Variants in MUC3A observed in about 807,000 individuals in gnomAD.
The protein encoded by MUC3A is mucin-3A.
A neutral mutation model predicts 109.0 loss-of-function variants in MUC3A; 109 were observed. The ratio of observed to expected loss-of-function variants is 1.00; its 90% CI spans 0.86 to 1.17. The LOEUF is 1.17. Among genes scored for constraint, MUC3A ranks in the 50% most tolerant of loss-of-function variants. The pLI is 0.00. For missense variants in MUC3A, 3,537 were observed against 2,469.4 expected (o/e 1.43, Z -9.16); for synonymous variants, 1,398 against 981.4 (o/e 1.42, Z -7.93).
rs767693236 is a variant in MUC3A at position 100,966,403 on chromosome 7, C to T, written c.9629C>T (p.Thr3210Met). Residue 3210 changes from threonine (T) to methionine (M), a missense_variant, in exon 9 of 12, where the codon ACG becomes ATG. Coordinates refer to ENST00000379458, the MANE Select transcript of MUC3A (RefSeq NM_005960.2). ...GPTCRCYSTDTHWFSGPRCEV... is the reference protein window; with the variant it reads ...GPTCRCYSTDMHWFSGPRCEV... ...TCCCGCAGCTGCTACTCCACCGACA[C>T]GCACTGGTTCTCTGGCCCGCGCTGC... is the stretch of plus-strand genomic sequence containing the variant. The T allele has an allele frequency of 4.2e-5, 57 of 1,346,450 alleles. No homozygotes were observed. In the East Asian group the frequency reaches 1.4e-3, roughly 33 times the overall value. The allele number at this position is 1,346,450 out of a possible 1,614,324, so 83.4% of individuals were successfully genotyped here.
rs1584805289 is a variant in MUC3A, at chr7:100,959,213, T to C, written c.7434T>C (p.Ser2478=). 6.3e-7 allele frequency: 1 copy of C among 1,598,514 alleles called. No homozygotes were observed. The highest frequency in any genetic ancestry group is 2.2e-5 in the East Asian group (1 of 44,892). ...TAVTPTPVTP[S]SLSTDIPTTS... is the part of the protein sequence containing the mutation. ...TGACTCCCACACCTGTAACCCCATC[T>C]TCTCTGAGTACAGACATCCCGACCA... Residue 2478 remains serine (S), a synonymous_variant, in exon 2 of 12, where the codon TCT becomes TCC. Coordinates refer to ENST00000379458, the MANE Select transcript of MUC3A (RefSeq NM_005960.2).
In MUC3A at chr7:100,966,422, G is replaced by A. The variant is rs1297436189; in HGVS notation, c.9648G>A (p.Pro3216=). The part of the protein sequence containing the change: ...YSTDTHWFSG[P]RCEVAVHWRA... Reference sequence around the variant, plus strand: ...CCGACACGCACTGGTTCTCTGGCCCGCGCTGCGAGGTGGCCGTCCACTGGA... The same window carrying A: ...CCGACACGCACTGGTTCTCTGGCCCACGCTGCGAGGTGGCCGTCCACTGGA... The change falls in exon 9 of 12, where the codon CCG becomes CCA. Residue 3216 remains proline (P), a synonymous_variant. Transcript: ENST00000379458. 3.7e-6 allele frequency: 5 copies of A among 1,349,158 alleles called. No individual in the cohort carries two copies. Among genetic ancestry groups the A allele is most frequent in the Admixed American group, 6.0e-5 (2 of 33,158 alleles). The allele number at this position is 1,349,158 out of a possible 1,614,324, so 83.6% of individuals were successfully genotyped here. A position where few individuals can be genotyped will look rare whatever the true frequency, so the allele number is the denominator to read the frequency against.
In MUC3A at chr7:100,966,961, T is replaced by TA; in HGVS notation, c.9930+13dup. On this transcript the variant is annotated intron_variant, in intron 11 of 11. Transcript: ENST00000379458. ...GGACACCACTATGAAGGTGAGGGGC[T>TA]AAAGAGGGGGACCCCAAGGAACTCT... 4 of 1,598,552 alleles carry TA rather than the reference T, an allele frequency of 2.5e-6. No homozygotes were observed.
At position 100,954,800 on chromosome 7, in the gene MUC3A, T is replaced by TC; in HGVS notation, c.3027dup (p.Val1010ArgfsTer25). ...CTCTCACAACAGCCATGACTTCTCC[T>TC]CCCCCCGTCAGTTCTTCAATCACTC... On this transcript the variant is annotated frameshift_variant, in exon 2 of 12. Coordinates refer to ENST00000379458, the MANE Select transcript of MUC3A (RefSeq NM_005960.2). LOFTEE classifies it high-confidence loss of function. 1 of 404,024 alleles carries TC rather than the reference T, an allele frequency of 2.5e-6. No individual in the cohort carries two copies. Among genetic ancestry groups the TC allele is most frequent in the African/African-American group, 2.1e-5 (1 of 48,718 alleles). 25.0% of individuals were successfully genotyped at this position (404,024 alleles called of 1,614,324 possible).
At chr7:100,962,230 T>C (rs1792350075) in intron 3 of MUC3A, among the ~76,000 whole-genome samples, 1 of 974 alleles carries the variant, frequency 1.0e-3, no homozygotes, top group Non-Finnish European at 2.3e-3. Flanking sequence ...AGACTCCGTC[T>C]CAAAAAAAAA....
At chr7:100,961,003 T>C (rs1267240515) in intron 3 of MUC3A, 66 bp downstream of exon 3, 1 of 1,595,744 alleles carries the variant, frequency 6.3e-7, no homozygotes, top group East Asian at 2.2e-5. Context: ...TCCCCAGACT[T>C]ATCCCTCTGT....
At position 100,956,068 on chromosome 7, in the gene MUC3A, A is replaced by G; in HGVS notation, c.4289A>G (p.Glu1430Gly). The G allele has an allele frequency of 2.2e-6, 1 of 447,138 alleles. No individual in the cohort carries two copies. The highest frequency in any genetic ancestry group is 6.7e-5 in the South Asian group (1 of 14,900). The allele number at this position is 447,138 out of a possible 1,614,324, so 27.7% of individuals were successfully genotyped here. The change falls in exon 2 of 12, where the codon GAG (glutamate) becomes GGG (glycine). Residue 1430 changes from glutamate (E) to glycine (G), a missense_variant. By Grantham distance (98) the Glu-to-Gly change is moderately conservative. Coordinates refer to ENST00000379458, the MANE Select transcript of MUC3A (RefSeq NM_005960.2). ...TCTTCTACACCTGTCCCAAGCACAG[A>G]GGTGACCACCAGTCATACCACAAAC... is the stretch of plus-strand genomic sequence containing the variant. ...ILSSTPVPST[E>G]VTTSHTTNTN... is the part of the protein sequence containing the mutation.
In MUC3A at chr7:100,954,691, G is replaced by A; in HGVS notation, c.2912G>A (p.Arg971Lys). ...PPSSTVSTTG[R>K]GQTTFPSSTA... The stretch of plus-strand genomic sequence containing the variant: ...TCATCCACTGTATCAACTACAGGCA[G>A]AGGTCAGACCACCTTTCCCAGCTCT... Residue 971 changes from arginine (R) to lysine (K), a missense_variant, in exon 2 of 12, where the codon AGA (arginine) becomes AAA (lysine). Arg to Lys is a conservative substitution (Grantham distance 26, BLOSUM62 2). Transcript: ENST00000379458. 2.7e-6 allele frequency: 1 copy of A among 369,146 alleles called. No individual in the cohort carries two copies. The highest frequency in any genetic ancestry group is 1.5e-4 in the South Asian group (1 of 6,626). The allele number at this position is 369,146 out of a possible 1,614,324, so 22.9% of individuals were successfully genotyped here. A position where few individuals can be genotyped will look rare whatever the true frequency, so the allele number is the denominator to read the frequency against.
Position 100,960,348 on chromosome 7 carries a change from A to G in MUC3A, c.8569A>G (p.Thr2857Ala), listed in dbSNP as rs1466316435. The change falls in exon 2 of 12, where the codon ACA (threonine) becomes GCA (alanine). Residue 2857 changes from threonine (T) to alanine (A), a missense_variant. Transcript: ENST00000379458. ...TTCCACTGGCACTGGGACTGTACCC[A>G]CAAACACAGTTTTCACAAGTACTCG... ...SSSTGTGTVP[T>A]NTVFTSTRLP... The G allele has an allele frequency of 6.3e-7, 1 of 1,598,436 alleles. No individual in the cohort carries two copies. The highest frequency in any genetic ancestry group is 1.3e-5 in the African/African-American group (1 of 74,964).
Position 100,958,565 on chromosome 7 carries a change from C to T in MUC3A, c.6786C>T (p.Thr2262=), listed in dbSNP as rs73398723. The part of the protein sequence containing the change: ...STPSFTSSIT[T]TETTSHDTPS... ...CCAGCTTCACTTCTTCGATCACCAC[C>T]ACTGAGACCACCTCACATGATACTC... Residue 2262 remains threonine, a synonymous_variant, in exon 2 of 12, where the codon ACC becomes ACT. Coordinates refer to ENST00000379458, the MANE Select transcript of MUC3A (RefSeq NM_005960.2). 2 of 1,404,250 alleles carry T rather than the reference C, an allele frequency of 1.4e-6. No homozygotes were observed. Among genetic ancestry groups the T allele is most frequent in the Non-Finnish European group, 9.9e-7 (1 of 1,005,760 alleles). 87.0% of individuals were successfully genotyped at this position (1,404,250 alleles called of 1,614,324 possible).
intron 1 of MUC3A, among the ~76,000 whole-genome samples, chr7:100,950,968 T>C (rs1436555139): frequency 6.6e-6 from 1 of 152,170 alleles, no homozygotes; most frequent in African/African-American, 2.4e-5. Context: ...TGTGTGAGCT[T>C]AGCCTGTTTC....
chr7:100,967,318 C>A lies in MUC3A; in HGVS notation c.*156C>A. The A allele has an allele frequency of 7.8e-7, 1 of 1,279,412 alleles. No homozygotes were observed. The highest frequency in any genetic ancestry group is 1.1e-6 in the Non-Finnish European group (1 of 934,370). 79.3% of individuals were successfully genotyped at this position (1,279,412 alleles called of 1,614,324 possible). ...TGTTCCCCCAAATCCCATCCTTCTC[C>A]TTCCAACTTGGCTGAAACCCACCTG... is the stretch of plus-strand genomic sequence containing the variant. On this transcript the variant is annotated 3_prime_UTR_variant, in exon 12 of 12. Coordinates refer to ENST00000379458, the MANE Select transcript of MUC3A (RefSeq NM_005960.2).
rs923320552 is a variant in MUC3A at position 100,958,453 on chromosome 7, C to G, written c.6674C>G (p.Ser2225Trp). Residue 2225 changes from serine to tryptophan, a missense_variant, in exon 2 of 12, where the codon TCG becomes TGG. Coordinates refer to ENST00000379458, the MANE Select transcript of MUC3A (RefSeq NM_005960.2). ...PSSSTPSFSSSITTTETTSHS... is the reference protein window; with the variant it reads ...PSSSTPSFSSWITTTETTSHS... The stretch of plus-strand genomic sequence containing the variant: ...AGCAGTACTCCCAGCTTCAGTTCTT[C>G]GATCACCACCACTGAGACCACATCC... 8.6e-7 allele frequency: 1 copy of G among 1,160,144 alleles called. No homozygotes were observed. Among genetic ancestry groups the G allele is most frequent in the Non-Finnish European group, 1.1e-6 (1 of 894,290 alleles). The allele number at this position is 1,160,144 out of a possible 1,614,324, so 71.9% of individuals were successfully genotyped here.
In MUC3A at chr7:100,956,718, A is replaced by G; in HGVS notation, c.4939A>G (p.Asn1647Asp). 1 of 416,944 alleles carries G rather than the reference A, an allele frequency of 2.4e-6. No individual in the cohort carries two copies. Among genetic ancestry groups the G allele is most frequent in the Non-Finnish European group, 4.2e-6 (1 of 238,704 alleles). The allele number at this position is 416,944 out of a possible 1,614,324, so 25.8% of individuals were successfully genotyped here. A position where few individuals can be genotyped will look rare whatever the true frequency, so the allele number is the denominator to read the frequency against. ...AGGACCAACTTTCACAAGTACTGAG[A>G]ACACTCCAACAAGGTCCCTCCTGAC... The part of the protein sequence containing the change: ...SGGPTFTSTE[N>D]TPTRSLLTSF... Residue 1647 changes from asparagine to aspartate, a missense_variant, in exon 2 of 12, where the codon AAC (asparagine) becomes GAC (aspartate). By Grantham distance (23) the Asn-to-Asp change is conservative (BLOSUM62 1). Coordinates refer to ENST00000379458, the MANE Select transcript of MUC3A (RefSeq NM_005960.2).
chr7:100,963,619 G>A, intron 4 of MUC3A, 69 bp from the exon 5 acceptor site: 1 of 1,596,492 alleles, frequency 6.3e-7, no homozygotes, highest in Non-Finnish European at 8.5e-7. Context: ...CCTGGAGCTG[G>A]GGTTGGGCGT....
chr7:100,959,054 C>G lies in MUC3A; in HGVS notation c.7275C>G (p.Gly2425=). ...AGACTACCTCACACAGTACTCCTGG[C>G]TTCACTTCTTCAATCACCACCACTG... ...TTETTSHSTP[G]FTSSITTTET... The change falls in exon 2 of 12, where the codon GGC becomes GGG. Residue 2425 remains glycine, a synonymous_variant. Coordinates refer to ENST00000379458, the MANE Select transcript of MUC3A (RefSeq NM_005960.2). 2 of 1,568,976 alleles carry G rather than the reference C, an allele frequency of 1.3e-6. No homozygotes were observed. Among genetic ancestry groups the G allele is most frequent in the Middle Eastern group, 1.7e-4 (1 of 5,986 alleles).
chr7:100,967,039 G>T, intron 11 of MUC3A, 82 bp from the exon 12 acceptor site: 1 of 1,598,470 alleles, frequency 6.3e-7, no homozygotes, highest in Non-Finnish European at 8.5e-7. Flanking sequence ...CAGGGAGGGG[G>T]CTGGGCTCGG....
rs200337799 is a variant in MUC3A, at chr7:100,952,747, C to G, written c.968C>G (p.Thr323Ser). The G allele has an allele frequency of 6.3e-7, 1 of 1,582,128 alleles. No individual in the cohort carries two copies. Among genetic ancestry groups the G allele is most frequent in the Non-Finnish European group, 8.5e-7 (1 of 1,171,760 alleles). ...TCCACCTTGGTGACCACACTCCCCA[C>G]TACCATCAGCAGGTCTACACCTACA... ...PLSTLVTTLP[T>S]TISRSTPTSE... The change falls in exon 2 of 12, where the codon ACT becomes AGT. Residue 323 changes from threonine to serine, a missense_variant. By Grantham distance (58) the Thr-to-Ser change is moderately conservative. Coordinates refer to ENST00000379458, the MANE Select transcript of MUC3A (RefSeq NM_005960.2).
chr7:100,952,555 T>C lies in MUC3A; in HGVS notation c.776T>C (p.Ile259Thr). 6.3e-7 allele frequency: 1 copy of C among 1,598,464 alleles called. No individual in the cohort carries two copies. The highest frequency in any genetic ancestry group is 1.1e-5 in the South Asian group (1 of 91,082). ...LKTAVTSTSP[I>T]TSSITSTNTV... ...ACAGCAGTGACTTCCACTTCCCCCA[T>C]CACTTCTTCAATCACTTCCACAAAT... Residue 259 changes from isoleucine to threonine, a missense_variant, in exon 2 of 12, where the codon ATC becomes ACC. Ile to Thr is a moderately conservative substitution (Grantham distance 89, BLOSUM62 -1). Coordinates refer to ENST00000379458, the MANE Select transcript of MUC3A (RefSeq NM_005960.2).
Sources: gnomAD v4.1 joint callset for allele counts (sites outside exome capture counted in the v4.1 genomes callset) on GRCh38, gnomAD v4.1.1 for gene constraint, MANE v1.5 for transcripts, NCBI Gene and HGNC (gene_info 2026-07-23, HGNC 2026-07-21) for gene names.